PATJ: variants seen among roughly 807,000 people sequenced by gnomAD.
The protein encoded by PATJ is inaD-like protein.
In PATJ, 190 loss-of-function variants were observed where a neutral mutation model predicts 224.9. That is an observed-to-expected ratio of 0.84 (90% CI 0.75 to 0.95). The LOEUF (loss-of-function observed/expected upper bound fraction) is 0.95, where lower values mean the gene tolerates loss of function less well. Among genes scored for constraint, PATJ ranks in the 40% least tolerant of loss-of-function variants. The pLI is 0.00. For synonymous variants in PATJ, 769 were observed against 820.3 expected (o/e 0.94, Z 1.07); for missense variants, 2,121 against 2,270.3 (o/e 0.93, Z 1.34).
intron 27 of PATJ, among the ~76,000 whole-genome samples, chr1:61,940,684 C>T (rs916922916): frequency 6.7e-6 from 1 of 149,120 alleles, no homozygotes; most frequent in African/African-American, 2.5e-5. Context: ...CCATTGCACT[C>T]CAGCCTGGCA....
chr1:61,833,556 C>A, intron 16 of PATJ, 98 bp from the exon 17 acceptor site: 1 of 1,217,366 alleles, frequency 8.2e-7, no homozygotes, highest in Non-Finnish European at 1.1e-6. Context: ...AAAGAGAATT[C>A]TCAGTTTGAG....
At chr1:61,832,507 G>T (rs949291971) in intron 16 of PATJ, among the ~76,000 whole-genome samples, 1 of 152,092 alleles carries the variant, frequency 6.6e-6, no homozygotes, top group Non-Finnish European at 1.5e-5. Flanking sequence ...GTTACCCAAA[G>T]ATTTAGAAAG....
intron 20 of PATJ, among the ~76,000 whole-genome samples, chr1:61,874,923 C>T (rs1227500177): frequency 6.6e-6 from 1 of 152,236 alleles, no homozygotes; most frequent in Non-Finnish European, 1.5e-5. Context: ...TGTGTATCAG[C>T]AGTTGACCTT....
chr1:61,769,254 G>A, intron 4 of PATJ, 29 bp from the exon 5 acceptor site: 2 of 1,592,746 alleles, frequency 1.3e-6, no homozygotes, highest in Non-Finnish European at 1.7e-6. Context: ...GTACACCATT[G>A]ACTTTTTTTT....
At chr1:61,969,325 A>G (rs1682613627) in intron 27 of PATJ, among the ~76,000 whole-genome samples, 1 of 152,172 alleles carries the variant, frequency 6.6e-6, no homozygotes, top group Non-Finnish European at 1.5e-5. Flanking sequence ...GTTATATACC[A>G]TTTTACAATC....
chr1:61,992,150 T>C (rs567657305), intron 28 of PATJ, among the ~76,000 whole-genome samples: 2 of 146,744 alleles, frequency 1.4e-5, no homozygotes, highest in African/African-American at 5.1e-5. Flanking sequence ...GGAGTTTCAC[T>C]CTTGTTGCCC....
chr1:61,816,846 G>T (rs1656207397), intron 14 of PATJ, among the ~76,000 whole-genome samples: 1 of 152,132 alleles, frequency 6.6e-6, no homozygotes, highest in Non-Finnish European at 1.5e-5. Context: ...AGTGCAGGTG[G>T]CATATCAGAA....
chr1:61,785,336 A>G (rs889286617), intron 7 of PATJ, among the ~76,000 whole-genome samples: 4 of 152,232 alleles, frequency 2.6e-5, no homozygotes, highest in African/African-American at 9.6e-5. Context: ...ACTATCTACT[A>G]GCAGCCTTTG....
rs1244531314 is a variant in PATJ, at chr1:61,763,741, C to T, written c.189+562C>T. Among the ~76,000 whole-genome samples, 3 of 152,162 alleles carry T rather than the reference C, an allele frequency of 2.0e-5. No individual in the cohort carries two copies. In the South Asian group the frequency reaches 6.2e-4, roughly 32 times the overall value. On this transcript the variant is annotated intron_variant, in intron 3 of 43. Transcript: ENST00000642238. ...GTGCTGTGATCCTAGCTCACTGCAGCCTTGACCTCCCAGGCTCAAGCAATG... is the reference window on the plus strand; with the variant it reads ...GTGCTGTGATCCTAGCTCACTGCAGTCTTGACCTCCCAGGCTCAAGCAATG...
Position 61,926,175 on chromosome 1 carries a change from A to T in PATJ, c.3571-1555A>T, listed in dbSNP as rs574449217. 4.6e-5 allele frequency among the ~76,000 whole-genome samples: 7 copies of T among 152,270 alleles called. No individual in the cohort carries two copies. The East Asian group carries it at 1.3e-3, about 29-fold the overall frequency. On this transcript the variant is annotated intron_variant, in intron 26 of 43. Coordinates refer to ENST00000642238, the MANE Select transcript of PATJ (RefSeq NM_001350145.3). ...TCTGTTTTGTGCTCTACCCTGGTGA[A>T]GGTCATAATCACCTGATCTAGTTGT...
chr1:62,074,930 C>T (rs1415614260), intron 31 of PATJ, among the ~76,000 whole-genome samples: 2 of 152,208 alleles, frequency 1.3e-5, no homozygotes, highest in Non-Finnish European at 1.5e-5. Context: ...CAGCACTGCA[C>T]TCCAGCCTGG....
chr1:61,911,372 C>A (rs1672611933), intron 25 of PATJ, among the ~76,000 whole-genome samples: 1 of 152,132 alleles, frequency 6.6e-6, no homozygotes, highest in South Asian at 2.1e-4. Context: ...TGCCACCACG[C>A]TCAGCTAATT....
At chr1:62,084,361 G>C (rs1659673472) in intron 32 of PATJ, among the ~76,000 whole-genome samples, 154 bp from the exon 33 acceptor site, 1 of 152,208 alleles carries the variant, frequency 6.6e-6, no homozygotes, top group Non-Finnish European at 1.5e-5. Context: ...TGGCTGAAGA[G>C]GCAGGAATGA....
intron 1 of PATJ, among the ~76,000 whole-genome samples, chr1:61,754,962 A>C (rs1012099410): frequency 6.6e-6 from 1 of 151,984 alleles, no homozygotes; most frequent in African/African-American, 2.4e-5. Context: ...ACCAAGGGAT[A>C]CTCCAGAATG....
At chr1:62,047,544 C>T (rs1001803952) in intron 30 of PATJ, among the ~76,000 whole-genome samples, 4 of 152,194 alleles carry the variant, frequency 2.6e-5, no homozygotes, top group Admixed American at 2.0e-4. Flanking sequence ...GCCACCGCAC[C>T]CAGCCCAACA....
chr1:62,050,503 C>T lies in PATJ; in HGVS notation c.4033-463C>T, dbSNP rs80168968. On this transcript the variant is annotated intron_variant, in intron 30 of 43. Transcript: ENST00000642238. ...GGTTCCCTCATTGTCATGGGACGGT[C>T]GTCCATGGAAACTTGGGCTCATGCT... Among the ~76,000 whole-genome samples the T allele has an allele frequency of 8.0e-3, 1,220 of 152,296 alleles. 22 individuals carry two copies. Among genetic ancestry groups the T allele is most frequent in the African/African-American group, 0.028 (1,153 of 41,556 alleles).
chr1:61,927,189 T>A (rs1241000582), intron 26 of PATJ, among the ~76,000 whole-genome samples: 1 of 152,196 alleles, frequency 6.6e-6, no homozygotes, highest in Non-Finnish European at 1.5e-5. Context: ...TTTTTGAAAA[T>A]GTTAAAATGT....
chr1:61,962,665 G>A (rs1212253102), intron 27 of PATJ, among the ~76,000 whole-genome samples: 1 of 152,152 alleles, frequency 6.6e-6, no homozygotes, highest in Non-Finnish European at 1.5e-5. Context: ...ATATTCTTAA[G>A]GATTAAGTTT....
At chr1:61,760,799 G>A (rs1645926037) in intron 1 of PATJ, among the ~76,000 whole-genome samples, 1 of 151,782 alleles carries the variant, frequency 6.6e-6, no homozygotes, top group Non-Finnish European at 1.5e-5. Flanking sequence ...TTTTATTAGA[G>A]ACGGGGTTTC....
Sources: gnomAD v4.1 joint callset for allele counts (sites outside exome capture counted in the v4.1 genomes callset) on GRCh38, gnomAD v4.1.1 for gene constraint, MANE v1.5 for transcripts, NCBI Gene and HGNC (gene_info 2026-07-23, HGNC 2026-07-21) for gene names.